CELF2: variants seen among roughly 807,000 people sequenced by gnomAD.
CELF2 encodes CUGBP Elav-like family member 2.
A neutral mutation model predicts 62.6 loss-of-function variants in CELF2; 8 were observed. The observed-to-expected ratio is 0.13, with a 90% CI of 0.07 to 0.23. CELF2 has a LOEUF of 0.23. Ranked by LOEUF, CELF2 falls within the 10% of genes least tolerant of loss-of-function variation. The pLI is 1.00. For synonymous variants in CELF2, 258 were observed against 250.0 expected, an observed-to-expected ratio of 1.03 and a Z score of -0.30; for missense variants, 333 against 671.0, an observed-to-expected ratio of 0.50 and a Z score of 5.56.
chr10:11,270,625 C>G lies in CELF2; in HGVS notation c.619-41C>G, dbSNP rs776637271. The G allele has an allele frequency of 1.4e-6, 2 of 1,383,544 alleles. No homozygotes were observed. The highest frequency in any genetic ancestry group is 5.4e-5 in the East Asian group (2 of 36,886). 85.7% of individuals were successfully genotyped at this position (1,383,544 alleles called of 1,614,324 possible). On this transcript the variant is annotated intron_variant, in intron 6 of 12. Coordinates refer to ENST00000633077, the MANE Select transcript of CELF2 (RefSeq NM_001326342.2). The surrounding 1 kb of genome is among the most constrained non-coding windows in gnomAD (Gnocchi z 5.8). Reference sequence around the variant, plus strand: ...GAGTGTCGTGAGCGGATTCCGCCAGCCTGTAACCCCCTCTCCACTTTCCAA... The same window carrying G: ...GAGTGTCGTGAGCGGATTCCGCCAGGCTGTAACCCCCTCTCCACTTTCCAA...
At chr10:10,482,117 T>A in the CELF2 span, among the ~76,000 whole-genome samples, 1 of 152,238 alleles carries the variant, frequency 6.6e-6, no homozygotes, top group Admixed American at 6.5e-5. Context: ...AAGAGTGGTT[T>A]GCATAGTAAA....
chr10:10,898,472 T>C (rs1037912467), intron 1 of CELF2, among the ~76,000 whole-genome samples: 1 of 152,218 alleles, frequency 6.6e-6, no homozygotes, highest in Non-Finnish European at 1.5e-5. Flanking sequence ...GGAGTGGCTC[T>C]ATTAGTAGTA....
rs188015626 is a variant in CELF2, at chr10:11,187,937, G to A, written c.271+22255G>A. Among the ~76,000 whole-genome samples, 130 of 152,152 alleles carry A rather than the reference G, an allele frequency of 8.5e-4. 1 individual carries two copies. The highest frequency in any genetic ancestry group is 3.0e-3 in the African/African-American group (125 of 41,498). ...CTCGTAGTTAATACTTCCGTGCTCC[G>A]TTCCTTTGTGTAGATCCATATTTCC... On this transcript the variant is annotated intron_variant, in intron 2 of 12. Coordinates refer to ENST00000633077, the MANE Select transcript of CELF2 (RefSeq NM_001326342.2).
At chr10:10,631,816 G>C in the CELF2 span, among the ~76,000 whole-genome samples, 1 of 152,296 alleles carries the variant, frequency 6.6e-6, no homozygotes, top group East Asian at 1.9e-4. Flanking sequence ...AATGGGAAAA[G>C]TATTGAGCAG....
At chr10:10,973,749 G>T (rs1322291853) in intron 2 of CELF2, among the ~76,000 whole-genome samples, 1 of 152,028 alleles carries the variant, frequency 6.6e-6, no homozygotes, top group Non-Finnish European at 1.5e-5. Flanking sequence ...TTTATGTTTT[G>T]TAGAGATGAC....
At chr10:10,720,897 C>A in the CELF2 span, among the ~76,000 whole-genome samples, 1 of 152,164 alleles carries the variant, frequency 6.6e-6, no homozygotes, top group Non-Finnish European at 1.5e-5. Context: ...AAATAAAAAT[C>A]TTAGGAAAGC....
chr10:10,658,574 G>A, the CELF2 span, among the ~76,000 whole-genome samples: 1 of 152,146 alleles, frequency 6.6e-6, no homozygotes, highest in Non-Finnish European at 1.5e-5. Flanking sequence ...TGGCCAATTT[G>A]CTAACTTTTA....
chr10:10,529,591 G>C, the CELF2 span, among the ~76,000 whole-genome samples: 1 of 150,590 alleles, frequency 6.6e-6, no homozygotes, highest in Middle Eastern at 3.4e-3. Context: ...GGCTGAGGCA[G>C]GAGAATTACT....
chr10:10,969,995 G>A (rs529065441), intron 2 of CELF2, among the ~76,000 whole-genome samples: 1 of 152,280 alleles, frequency 6.6e-6, no homozygotes, highest in East Asian at 1.9e-4. Context: ...ATGGAGGGGG[G>A]CGGCTTCTAA....
chr10:11,156,086 A>G lies in CELF2; in HGVS notation c.75-9400A>G, dbSNP rs748531578. ...CCTTTAGTCCAAATTAGGAAAGCCC[A>G]CCAACCAGTTTTATATTAATAATAA... On this transcript the variant is annotated intron_variant, in intron 1 of 12. Coordinates refer to ENST00000633077, the MANE Select transcript of CELF2 (RefSeq NM_001326342.2). This position sits in a 1 kb window ranked among gnomAD's most constrained non-coding sequence, Gnocchi z 4.3. Among the ~76,000 whole-genome samples the G allele has an allele frequency of 2.6e-5, 4 of 152,216 alleles. No individual in the cohort carries two copies. The highest frequency in any genetic ancestry group is 4.4e-5 in the Non-Finnish European group (3 of 68,032).
intron 1 of CELF2, among the ~76,000 whole-genome samples, chr10:11,024,862 T>C (rs1353318908): frequency 6.6e-6 from 1 of 152,198 alleles, no homozygotes; most frequent in East Asian, 1.9e-4. Flanking sequence ...TTGACATAGC[T>C]TTTGGACAGC....
the CELF2 span, among the ~76,000 whole-genome samples, chr10:10,620,994 C>G: frequency 6.9e-6 from 1 of 145,474 alleles, no homozygotes; most frequent in Non-Finnish European, 1.5e-5. Context: ...GAGGCCGAGG[C>G]GGGCAGATCA....
intron 1 of CELF2, among the ~76,000 whole-genome samples, chr10:10,888,904 C>G (rs1377149774): frequency 6.6e-6 from 1 of 152,168 alleles, no homozygotes; most frequent in Non-Finnish European, 1.5e-5. Context: ...TCATAGGCTT[C>G]TTGGAGCGGG....
intron 10 of CELF2, among the ~76,000 whole-genome samples, chr10:11,320,069 A>G (rs1188076792): frequency 6.6e-6 from 1 of 152,166 alleles, no homozygotes; most frequent in East Asian, 1.9e-4. Context: ...AATGTTTTCA[A>G]TAAGCTCTTC....
chr10:11,133,792 C>G (rs1005416897), intron 1 of CELF2, among the ~76,000 whole-genome samples: 1 of 152,292 alleles, frequency 6.6e-6, no homozygotes, highest in Admixed American at 6.5e-5. Flanking sequence ...AGACTCTCTT[C>G]CCTGGAGTTC....
the CELF2 span, among the ~76,000 whole-genome samples, chr10:10,600,690 T>C: frequency 6.6e-6 from 1 of 152,172 alleles, no homozygotes; most frequent in African/African-American, 2.4e-5. Flanking sequence ...AGGACAAAAG[T>C]TGAGCAGAAG....
intron 1 of CELF2, among the ~76,000 whole-genome samples, chr10:10,910,699 C>CA (rs55954207): frequency 0.55 from 50,333 of 92,076 alleles, 13,667 homozygotes; most frequent in South Asian, 0.62. Flanking sequence ...GACTCTGCCT[C>CA]AAAAAAAAAA....
chr10:11,186,674 A>T (rs1424068570), intron 2 of CELF2, among the ~76,000 whole-genome samples: 3 of 152,114 alleles, frequency 2.0e-5, no homozygotes, highest in South Asian at 2.1e-4. Flanking sequence ...AAAACCTGAA[A>T]TTTTTTTCAG....
At chr10:11,030,628 C>T (rs1482225282) in intron 1 of CELF2, 1 of 152,260 alleles carries the variant, frequency 6.6e-6, no homozygotes, top group East Asian at 1.9e-4. Context: ...TCCTCGTTTC[C>T]AAAGCCTGAG....
Sources: allele counts gnomAD v4.1 joint callset (sites outside exome capture counted in the v4.1 genomes callset), GRCh38; gene constraint gnomAD v4.1.1; non-coding constraint Gnocchi (gnomAD v3.1); transcripts MANE v1.5; gene names NCBI Gene and HGNC (gene_info 2026-07-23, HGNC 2026-07-21).